Variants in TSNARE1 observed in about 807,000 individuals in gnomAD.
TSNARE1 encodes t-SNARE domain-containing protein 1.
In TSNARE1, 49 loss-of-function variants were observed where a neutral mutation model predicts 62.0. The ratio of observed to expected loss-of-function variants is 0.79; its 90% CI spans 0.63 to 1.00. The LOEUF is 1.00. Among genes scored for constraint, TSNARE1 ranks in the 50% least tolerant of loss-of-function variants. The probability of loss-of-function intolerance (pLI) is 0.00; values close to 1 mark genes in which losing one functional copy is unlikely to be tolerated. For synonymous variants in TSNARE1, 328 were observed against 294.4 expected, an observed-to-expected ratio of 1.11 and a Z score of -1.17; for missense variants, 755 against 700.1, an observed-to-expected ratio of 1.08 and a Z score of -0.88.
chr8:142,289,198 G>A (rs1330030986), intron 10 of TSNARE1, among the ~76,000 whole-genome samples: 2 of 152,190 alleles, frequency 1.3e-5, no homozygotes, highest in Admixed American at 6.5e-5. Context: ...AAACAAAGCG[G>A]GAGGCAAAGC....
chr8:142,324,890 T>C lies in TSNARE1; in HGVS notation c.893+6011A>G, dbSNP rs555091618. On this transcript the variant is annotated intron_variant, in intron 6 of 13. Coordinates refer to ENST00000524325, the MANE Select transcript of TSNARE1 (RefSeq NM_145003.5). The stretch of plus-strand genomic sequence containing the variant: ...GTGTTCCTAGTGACTGCGACGCCCC[T>C]GCCGGTCCCTCGGCTGAGGGGGCTG... Among the ~76,000 whole-genome samples, 159 of 152,356 alleles carry C rather than the reference T, an allele frequency of 1.0e-3. 4 individuals carry two copies. The highest frequency in any genetic ancestry group is 3.7e-3 in the African/African-American group (153 of 41,602).
At chr8:142,253,363 G>T (rs991583044) in intron 12 of TSNARE1, among the ~76,000 whole-genome samples, 3 of 152,228 alleles carry the variant, frequency 2.0e-5, no homozygotes, top group Non-Finnish European at 4.4e-5. Flanking sequence ...GAAAGGCACA[G>T]ACAAGGTTCC....
chr8:142,402,352 A>C (rs1024973613), intron 1 of TSNARE1, among the ~76,000 whole-genome samples: 3 of 152,222 alleles, frequency 2.0e-5, no homozygotes, highest in African/African-American at 7.2e-5. Flanking sequence ...AGTGTCGGAC[A>C]TGTGACCACT....
chr8:142,402,493 C>G (rs1169353127), intron 1 of TSNARE1, among the ~76,000 whole-genome samples: 1 of 152,252 alleles, frequency 6.6e-6, no homozygotes, highest in Non-Finnish European at 1.5e-5. Context: ...AACACGAGGT[C>G]CCTGGAGAGT....
At chr8:142,301,709 G>A (rs1330977751) in intron 9 of TSNARE1, among the ~76,000 whole-genome samples, 4 of 152,202 alleles carry the variant, frequency 2.6e-5, no homozygotes, top group African/African-American at 7.2e-5. Context: ...ACCGAGAATG[G>A]GCAGAGCAGA....
chr8:142,266,669 T>G (rs1281341412), intron 12 of TSNARE1, among the ~76,000 whole-genome samples: 1 of 152,236 alleles, frequency 6.6e-6, no homozygotes, highest in African/African-American at 2.4e-5. Context: ...AGTTCACCCA[T>G]GATGTGCCCA....
chr8:142,315,144 C>T, intron 7 of TSNARE1, 52 bp from the exon 8 acceptor site: 1 of 1,584,772 alleles, frequency 6.3e-7, no homozygotes, highest in South Asian at 1.1e-5. Context: ...CCTGCCCCAG[C>T]AGCCCCCACC....
intron 12 of TSNARE1, among the ~76,000 whole-genome samples, chr8:142,255,159 G>A (rs182461245): frequency 6.6e-6 from 1 of 152,104 alleles, no homozygotes; most frequent in East Asian, 1.9e-4. Flanking sequence ...CCAGCCCCAT[G>A]AACCTGTCAG....
At chr8:142,280,386 G>C (rs1692599251) in intron 11 of TSNARE1, 6 of 942,442 alleles carry the variant, frequency 6.4e-6, no homozygotes, top group Non-Finnish European at 7.6e-6. Flanking sequence ...CCAGGTTCGG[G>C]GTCACAGGTC....
intron 12 of TSNARE1, chr8:142,274,355 G>T (rs1820070033): frequency 2.0e-6 from 2 of 985,312 alleles, no homozygotes; most frequent in African/African-American, 1.7e-5. Context: ...GAAAATAAAG[G>T]CCTGAGCTTT....
chr8:142,287,117 T>A (rs571103885), intron 10 of TSNARE1, among the ~76,000 whole-genome samples: 2 of 152,178 alleles, frequency 1.3e-5, no homozygotes, highest in Non-Finnish European at 2.9e-5. Flanking sequence ...AAGGCCACCC[T>A]CCAGGATGTG....
chr8:142,256,160 T>TCAC (rs1188039748), intron 12 of TSNARE1, among the ~76,000 whole-genome samples: 9 of 70,094 alleles, frequency 1.3e-4, no homozygotes, highest in Non-Finnish European at 2.4e-4. Context: ...ACTGTCACCA[T>TCAC]CACCACCACC....
At position 142,304,113 on chromosome 8, in the gene TSNARE1, T is replaced by C. The variant is rs566706866; in HGVS notation, c.1132-3469A>G. 1.8e-3 allele frequency among the ~76,000 whole-genome samples: 271 copies of C among 152,332 alleles called. 1 individual carries two copies. Among genetic ancestry groups the C allele is most frequent in the Non-Finnish European group, 2.8e-3 (192 of 68,032 alleles). The stretch of plus-strand genomic sequence containing the variant: ...GCCTTTAAATAAATAAATATGTGGA[T>C]AGATGAATATAAAATAAAAGATCTA... On this transcript the variant is annotated intron_variant, in intron 9 of 13. Coordinates refer to ENST00000524325, the MANE Select transcript of TSNARE1 (RefSeq NM_145003.5).
intron 1 of TSNARE1, among the ~76,000 whole-genome samples, chr8:142,374,234 G>A (rs2131085366): frequency 6.6e-6 from 1 of 152,122 alleles, no homozygotes. Flanking sequence ...AACCCAGGGA[G>A]GCGGAGGTTG....
chr8:142,271,142 T>C, intron 12 of TSNARE1: 4 of 987,236 alleles, frequency 4.1e-6, no homozygotes, highest in Non-Finnish European at 4.8e-6. Context: ...GAGCCCCGAG[T>C]GGGTGCCCTT....
chr8:142,275,808 T>C (rs768338792), intron 11 of TSNARE1: 69 of 985,210 alleles, frequency 7.0e-5, no homozygotes, highest in Admixed American at 1.2e-4. Context: ...AGGCCTGGGA[T>C]AGAGAGGCCA....
intron 6 of TSNARE1, among the ~76,000 whole-genome samples, chr8:142,325,722 G>A (rs148093308): frequency 1.4e-4 from 21 of 152,320 alleles, no homozygotes; most frequent in Admixed American, 3.3e-4. Flanking sequence ...GAGGGATTCC[G>A]AGCTGCGGGA....
chr8:142,262,666 G>C (rs1818954651), intron 12 of TSNARE1, among the ~76,000 whole-genome samples: 1 of 152,190 alleles, frequency 6.6e-6, no homozygotes, highest in African/African-American at 2.4e-5. Context: ...GTTTAAAAGT[G>C]TGTGGCACCT....
At chr8:142,271,536 GT>G in intron 12 of TSNARE1, 5 of 1,366,888 alleles carry the variant, frequency 3.7e-6, no homozygotes, top group Non-Finnish European at 4.7e-6. Context: ...GTGGTTGCTG[GT>G]GGGGTGGAGG....
Sources: gnomAD v4.1 joint callset for allele counts (sites outside exome capture counted in the v4.1 genomes callset) on GRCh38, gnomAD v4.1.1 for gene constraint, MANE v1.5 for transcripts, NCBI Gene and HGNC (gene_info 2026-07-23, HGNC 2026-07-21) for gene names.